Variants in MECOM observed in about 807,000 individuals in gnomAD.
MECOM encodes MDS1 and EVI1 complex locus, also known as histone-lysine N-methyltransferase MECOM.
Under a neutral mutation model 116.3 loss-of-function variants are expected in MECOM, and 13 were observed. The ratio of observed to expected loss-of-function variants is 0.11; its 90% CI spans 0.07 to 0.18. MECOM has a LOEUF of 0.18. Ranked by LOEUF, MECOM falls within the 10% of genes least tolerant of loss-of-function variation. The pLI is 1.00. For synonymous variants in MECOM, 528 were observed against 535.2 expected, an observed-to-expected ratio of 0.99 and a Z score of 0.19; for missense variants, 1,299 against 1,509.0, an observed-to-expected ratio of 0.86 and a Z score of 2.31.
intron 1 of MECOM, among the ~76,000 whole-genome samples, chr3:169,499,618 G>A (rs199888536): frequency 3.3e-5 from 5 of 150,226 alleles, no homozygotes; most frequent in South Asian, 2.1e-4. Flanking sequence ...CGACCAGGGG[G>A]AAAAAAAAAG....
At chr3:169,331,787 G>A (rs745351158) in intron 2 of MECOM, among the ~76,000 whole-genome samples, 43 of 151,916 alleles carry the variant, frequency 2.8e-4, no homozygotes, top group Non-Finnish European at 5.0e-4. Flanking sequence ...TGATTTTAGT[G>A]GAGCTTTTCT....
intron 1 of MECOM, among the ~76,000 whole-genome samples, chr3:169,395,735 C>G (rs1157576605): frequency 6.6e-6 from 1 of 152,166 alleles, no homozygotes; most frequent in African/African-American, 2.4e-5. Flanking sequence ...GAACAGTAAA[C>G]CAGTGTCAAA....
chr3:169,512,943 G>A (rs1227602734), intron 1 of MECOM, among the ~76,000 whole-genome samples: 1 of 152,190 alleles, frequency 6.6e-6, no homozygotes, highest in Non-Finnish European at 1.5e-5. Flanking sequence ...ACAGACAGAA[G>A]CTCTGTACAA....
intron 2 of MECOM, among the ~76,000 whole-genome samples, chr3:169,313,214 G>A (rs908419199): frequency 3.3e-5 from 5 of 152,204 alleles, no homozygotes; most frequent in African/African-American, 7.2e-5. Flanking sequence ...ATTGGATTTG[G>A]CAACATGACA....
chr3:169,230,255 A>G (rs1753210711), intron 2 of MECOM, among the ~76,000 whole-genome samples: 1 of 151,628 alleles, frequency 6.6e-6, no homozygotes, highest in Non-Finnish European at 1.5e-5. Context: ...AAGAAAAAAA[A>G]AAGGTTCTGG....
chr3:169,406,644 C>G (rs1024892108), intron 1 of MECOM, among the ~76,000 whole-genome samples: 1 of 152,126 alleles, frequency 6.6e-6, no homozygotes, highest in African/African-American at 2.4e-5. Flanking sequence ...CTCTCTTACG[C>G]ATTTTACATC....
chr3:169,547,440 ATGCCATATGTGTG>A (rs1760861518), intron 1 of MECOM, among the ~76,000 whole-genome samples: 1 of 152,230 alleles, frequency 6.6e-6, no homozygotes, highest in African/African-American at 2.4e-5. Context: ...TTACCCATAC[ATGCCATATGTGTG>A]TATAAGCAGT....
chr3:169,204,381 C>T (rs1481185083), intron 2 of MECOM, among the ~76,000 whole-genome samples: 10 of 152,170 alleles, frequency 6.6e-5, no homozygotes, highest in Admixed American at 6.6e-4. Context: ...TTTCCAGCTG[C>T]ACATCAGTTA....
At chr3:169,442,613 G>A (rs1477293815) in intron 1 of MECOM, among the ~76,000 whole-genome samples, 1 of 152,100 alleles carries the variant, frequency 6.6e-6, no homozygotes, top group African/African-American at 2.4e-5. Context: ...AGATTGTAGA[G>A]ACAATCACCA....
intron 2 of MECOM, among the ~76,000 whole-genome samples, chr3:169,208,277 AAT>A (rs1234392340): frequency 6.7e-6 from 1 of 148,558 alleles, no homozygotes; most frequent in Admixed American, 6.8e-5. Context: ...ATATATACAC[AAT>A]GTTATATTAC....
intron 7 of MECOM, 63 bp from the exon 8 acceptor site, chr3:169,116,802 T>C: frequency 6.6e-7 from 1 of 1,508,684 alleles, no homozygotes; most frequent in East Asian, 2.3e-5. Flanking sequence ...ATTTAGCAAA[T>C]ATCACAATTG....
intron 1 of MECOM, among the ~76,000 whole-genome samples, chr3:169,444,055 A>G (rs1412158434): frequency 6.6e-6 from 1 of 152,222 alleles, no homozygotes; most frequent in African/African-American, 2.4e-5. Context: ...CTGATAGCAG[A>G]TAACTTTGGA....
chr3:169,456,263 T>C (rs1003764877), intron 1 of MECOM, among the ~76,000 whole-genome samples: 19 of 152,056 alleles, frequency 1.2e-4, no homozygotes, highest in African/African-American at 4.6e-4. Flanking sequence ...AACACCCAAA[T>C]TCTAGTCCAC....
At chr3:169,622,292 A>G (rs988492509) in intron 1 of MECOM, among the ~76,000 whole-genome samples, 3 of 152,112 alleles carry the variant, frequency 2.0e-5, no homozygotes, top group Non-Finnish European at 4.4e-5. Flanking sequence ...GGGTTTCACC[A>G]TGTTGGCCAA....
Position 169,121,193 on chromosome 3 carries a change from C to T in MECOM, c.995G>A (p.Ser332Asn). 1 of 1,610,914 alleles carries T rather than the reference C, an allele frequency of 6.2e-7. No individual in the cohort carries two copies. Among genetic ancestry groups the T allele is most frequent in the Non-Finnish European group, 8.5e-7 (1 of 1,178,446 alleles). Reference protein sequence around the residue: ...ENCAKVFTDPSNLQRHIRSQH... With the variant: ...ENCAKVFTDPNNLQRHIRSQH... The stretch of plus-strand genomic sequence containing the variant: ...AGAGCGAATGTGCCGCTGAAGGTTG[C>T]TAGGGTCCGTGAAAACCTGCTAGGA... Residue 332 changes from serine to asparagine, a missense_variant, in exon 7 of 17, where the codon AGC (serine) becomes AAC (asparagine). Coordinates refer to ENST00000651503, the MANE Select transcript of MECOM (RefSeq NM_004991.4).
chr3:169,660,126 C>A (rs1331462769), intron 1 of MECOM, among the ~76,000 whole-genome samples: 3 of 152,134 alleles, frequency 2.0e-5, no homozygotes, highest in Admixed American at 2.0e-4. Context: ...CCTTTCCATC[C>A]ATCAGGACCA....
chr3:169,108,773 T>C lies in MECOM; in HGVS notation c.2578-821A>G, dbSNP rs1376910203. Among the ~76,000 whole-genome samples the C allele has an allele frequency of 2.0e-5, 3 of 152,164 alleles. No homozygotes were observed. The East Asian group carries it at 5.8e-4, about 29-fold the overall frequency. Reference sequence around the variant, plus strand: ...GAAGATGAAGAACAGAAGATTTAAGTGATTTTTCACATCAATGTGTAAATT... The same window carrying C: ...GAAGATGAAGAACAGAAGATTTAAGCGATTTTTCACATCAATGTGTAAATT... On this transcript the variant is annotated intron_variant, in intron 9 of 16. Transcript: ENST00000651503.
chr3:169,146,806 C>G lies in MECOM; in HGVS notation c.376-2974G>C, dbSNP rs1023833652. 9.0e-6 allele frequency: 10 copies of G among 1,108,232 alleles called. No individual in the cohort carries two copies. In the Admixed American group the frequency reaches 3.9e-4, roughly 43 times the overall value. 68.6% of individuals were successfully genotyped at this position (1,108,232 alleles called of 1,614,324 possible). A position where few individuals can be genotyped will look rare whatever the true frequency, so the allele number is the denominator to read the frequency against. ...AAACAAAATAAAATAATCAGCAGCC[C>G]CCAACGCTCCTGCACGAAAATCCTT... On this transcript the variant is annotated intron_variant, in intron 2 of 16. Coordinates refer to ENST00000651503, the MANE Select transcript of MECOM (RefSeq NM_004991.4).
chr3:169,344,327 T>C (rs1725014026), intron 2 of MECOM, among the ~76,000 whole-genome samples: 1 of 152,104 alleles, frequency 6.6e-6, no homozygotes, highest in African/African-American at 2.4e-5. Flanking sequence ...TCAGAATGTT[T>C]CCCAGATAGA....
Sources: allele counts gnomAD v4.1 joint callset (sites outside exome capture counted in the v4.1 genomes callset), GRCh38; gene constraint gnomAD v4.1.1; transcripts MANE v1.5; gene names NCBI Gene and HGNC (gene_info 2026-07-23, HGNC 2026-07-21).